The following RPS6KA1 variants were observed in gnomAD, a reference collection of about 807,000 sequenced individuals.
The protein encoded by RPS6KA1 is ribosomal protein S6 kinase alpha-1.
In RPS6KA1, 48 loss-of-function variants were observed where a neutral mutation model predicts 91.3. The observed-to-expected ratio is 0.53, with a 90% CI of 0.42 to 0.67. RPS6KA1 has a LOEUF of 0.67. Among genes scored for constraint, RPS6KA1 ranks in the 30% least tolerant of loss-of-function variants. The pLI, the probability that RPS6KA1 is intolerant of heterozygous loss-of-function variation, is 0.00. For synonymous variants in RPS6KA1, 359 were observed against 384.7 expected (o/e 0.93, Z 0.78); for missense variants, 719 against 960.5 (o/e 0.75, Z 3.32).
At position 26,560,833 on chromosome 1, in the gene RPS6KA1, C is replaced by A. The variant is rs528832165; in HGVS notation, c.1323C>A (p.Asn441Lys). 1 of 1,614,230 alleles carries A rather than the reference C, an allele frequency of 6.2e-7. No homozygotes were observed. The highest frequency in any genetic ancestry group is 1.3e-5 in the African/African-American group (1 of 75,066). Residue 441 changes from asparagine (N) to lysine (K), a missense_variant, in exon 15 of 22, where the codon AAC becomes AAA. Asn to Lys is a moderately conservative substitution (Grantham distance 94). Coordinates refer to ENST00000374168, the MANE Select transcript of RPS6KA1 (RefSeq NM_002953.4). ...AGCGCTGTGTCCACAAGGCCACCAA[C>A]ATGGAGTATGCTGTCAAGGTGGGCC... The part of the protein sequence containing the change: ...ECKRCVHKAT[N>K]MEYAVKVIDK...
chr1:26,554,519 G>A lies in RPS6KA1; in HGVS notation c.614-77G>A, dbSNP rs1187996554. 2.9e-5 allele frequency: 44 copies of A among 1,534,906 alleles called. No individual in the cohort carries two copies. The highest frequency in any genetic ancestry group is 3.5e-5 in the Non-Finnish European group (40 of 1,133,440). ...GTGATGCCTTCTGGCCTCTGGGCAC[G>A]GGGGTTGGGTGTGCAAAGGGTGGCA... On this transcript the variant is annotated intron_variant, in intron 8 of 21. Transcript: ENST00000374168. This position sits in a 1 kb window ranked among gnomAD's most constrained non-coding sequence, Gnocchi z 4.6.
chr1:26,554,295 G>C lies in RPS6KA1; in HGVS notation c.613+44G>C. The C allele has an allele frequency of 1.3e-6, 2 of 1,544,736 alleles. No individual in the cohort carries two copies. Among genetic ancestry groups the C allele is most frequent in the Non-Finnish European group, 8.8e-7 (1 of 1,140,360 alleles). On this transcript the variant is annotated intron_variant, in intron 8 of 21. Transcript: ENST00000374168. This position sits in a 1 kb window ranked among gnomAD's most constrained non-coding sequence, Gnocchi z 4.6. Reference sequence around the variant, plus strand: ...CCCCCTCGGGACCCAGGGGAGGACAGGACAAGGTCATGATAGGTCTCGGCT... The same window carrying C: ...CCCCCTCGGGACCCAGGGGAGGACACGACAAGGTCATGATAGGTCTCGGCT...
chr1:26,536,981 G>A lies in RPS6KA1; in HGVS notation c.108+12G>A. The A allele has an allele frequency of 6.2e-7, 1 of 1,614,080 alleles. No homozygotes were observed. Among genetic ancestry groups the A allele is most frequent in the Admixed American group, 1.7e-5 (1 of 60,024 alleles). On this transcript the variant is annotated intron_variant, in intron 2 of 21. Transcript: ENST00000374168. ...TTCAGCCGTCCAAGGTGAGGACCATGGCCAGCACCCTGAGCGAGGGGCTGT... is the reference window on the plus strand; with the variant it reads ...TTCAGCCGTCCAAGGTGAGGACCATAGCCAGCACCCTGAGCGAGGGGCTGT...
rs761365429 is a variant in RPS6KA1, at chr1:26,547,143, C to T, written c.226-46C>T. On this transcript the variant is annotated intron_variant, in intron 3 of 21. Transcript: ENST00000374168. This position sits in a 1 kb window ranked among gnomAD's most constrained non-coding sequence, Gnocchi z 4.1. ...GAGAAGATAGAGGTCAGCCTGGACTCAGACCTCTCCCATCTTCTGCCCTGC... is the reference window on the plus strand; with the variant it reads ...GAGAAGATAGAGGTCAGCCTGGACTTAGACCTCTCCCATCTTCTGCCCTGC... 6.3e-7 allele frequency: 1 copy of T among 1,599,300 alleles called. No homozygotes were observed. The highest frequency in any genetic ancestry group is 8.6e-7 in the Non-Finnish European group (1 of 1,166,904).
chr1:26,574,791 C>A lies in RPS6KA1; in HGVS notation c.*590C>A, dbSNP rs1365774459. Reference sequence around the variant, plus strand: ...TGTCCTGCTGGCTTCCAGCTTCAGGCACCAGCATCCACCTTGGCTCTGCCA... The same window carrying A: ...TGTCCTGCTGGCTTCCAGCTTCAGGAACCAGCATCCACCTTGGCTCTGCCA... On this transcript the variant is annotated 3_prime_UTR_variant, in exon 22 of 22. Transcript: ENST00000374168. The surrounding 1 kb of genome is among the most constrained non-coding windows in gnomAD (Gnocchi z 4.3). The A allele has an allele frequency of 7.8e-6, 2 of 256,656 alleles. No individual in the cohort carries two copies. Among genetic ancestry groups the A allele is most frequent in the Non-Finnish European group, 1.6e-5 (2 of 127,480 alleles). The allele number at this position is 256,656 out of a possible 1,614,324, so 15.9% of individuals were successfully genotyped here. A position where few individuals can be genotyped will look rare whatever the true frequency, so the allele number is the denominator to read the frequency against.
At chr1:26,544,257 C>T in intron 2 of RPS6KA1, 1 of 454,460 alleles carries the variant, frequency 2.2e-6, no homozygotes, top group South Asian at 1.6e-5. Context: ...GGTTGGGTTC[C>T]AATCTCTGTC....
intron 2 of RPS6KA1, chr1:26,545,933 G>T: frequency 6.3e-7 from 1 of 1,594,668 alleles, no homozygotes; most frequent in Non-Finnish European, 8.5e-7. Context: ...CCCGTCTGCG[G>T]CTCTGGGCCC....
At position 26,560,779 on chromosome 1, in the gene RPS6KA1, A is replaced by C; in HGVS notation, c.1269A>C (p.Thr423=). ...VFSDGYVVKE[T]IGVGSYSECK... is the part of the protein sequence containing the mutation. ...GTGACGGCTACGTGGTAAAGGAGAC[A>C]ATTGGTGTGGGCTCCTACTCTGAGT... Residue 423 remains threonine, a synonymous_variant, in exon 15 of 22, where the codon ACA becomes ACC. Transcript: ENST00000374168. The C allele has an allele frequency of 1.2e-6, 2 of 1,614,154 alleles. No individual in the cohort carries two copies. The highest frequency in any genetic ancestry group is 1.7e-6 in the Non-Finnish European group (2 of 1,180,016).
At chr1:26,572,069 TACC>T in intron 19 of RPS6KA1, 104 bp from the exon 20 acceptor site, 1 of 1,304,814 alleles carries the variant, frequency 7.7e-7, no homozygotes, top group East Asian at 2.3e-5. Context: ...CCAGGAGCTC[TACC>T]TTGGGAGTAC....
Position 26,574,076 on chromosome 1 carries a change from C to T in RPS6KA1, c.2086-3C>T. 1.9e-6 allele frequency: 3 copies of T among 1,613,814 alleles called. No individual in the cohort carries two copies. Among genetic ancestry groups the T allele is most frequent in the Non-Finnish European group, 2.5e-6 (3 of 1,179,742 alleles). ...TGACCTGACCTCCCCACTTCTCTTT[C>T]AGGGAGCCATGGCTGCCACGTACTC... On this transcript the variant is annotated splice_region_variant and splice_polypyrimidine_tract_variant and intron_variant, in intron 21 of 21. Coordinates refer to ENST00000374168, the MANE Select transcript of RPS6KA1 (RefSeq NM_002953.4). The surrounding 1 kb of genome is among the most constrained non-coding windows in gnomAD (Gnocchi z 4.3).
At position 26,547,416 on chromosome 1, in the gene RPS6KA1, C is replaced by G; in HGVS notation, c.307+146C>G. The G allele has an allele frequency of 1.5e-6, 1 of 649,226 alleles. No homozygotes were observed. The highest frequency in any genetic ancestry group is 1.8e-5 in the South Asian group (1 of 54,958). The allele number at this position is 649,226 out of a possible 1,614,324, so 40.2% of individuals were successfully genotyped here. ...GTGGAGAAACAGGCCTATTTCTCAG[C>G]TATCCCTCGCCAGCCAATCCTCCTC... On this transcript the variant is annotated intron_variant, in intron 4 of 21. Coordinates refer to ENST00000374168, the MANE Select transcript of RPS6KA1 (RefSeq NM_002953.4). This position sits in a 1 kb window ranked among gnomAD's most constrained non-coding sequence, Gnocchi z 4.1.
At position 26,558,927 on chromosome 1, in the gene RPS6KA1, C is replaced by A; in HGVS notation, c.1205C>A (p.Ser402Ter). The stretch of plus-strand genomic sequence containing the variant: ...CGTGCCCCGCAGGCACCCCTGCACT[C>A]GGTGGTACAGGTGAGGGGGGCAGGG... ...KPRAPQAPLH[S>*]VVQQLHGKNL... The change falls in exon 14 of 22, where the codon TCG (serine) becomes TAG (stop). Residue 402 changes from serine (S) to a stop codon, truncating the protein, a stop_gained. Coordinates refer to ENST00000374168, the MANE Select transcript of RPS6KA1 (RefSeq NM_002953.4). LOFTEE classifies it high-confidence loss of function. This position sits in a 1 kb window ranked among gnomAD's most constrained non-coding sequence, Gnocchi z 4.0. The A allele has an allele frequency of 6.2e-7, 1 of 1,612,528 alleles. No homozygotes were observed. Among genetic ancestry groups the A allele is most frequent in the Non-Finnish European group, 8.5e-7 (1 of 1,178,796 alleles).
chr1:26,571,975 TG>T lies in RPS6KA1; in HGVS notation c.1829+53del. On this transcript the variant is annotated intron_variant, in intron 19 of 21. Coordinates refer to ENST00000374168, the MANE Select transcript of RPS6KA1 (RefSeq NM_002953.4). The surrounding 1 kb of genome is among the most constrained non-coding windows in gnomAD (Gnocchi z 5.1). ...TCCCCACTCCTGCAGCCCTAGCACTTGGGCTGAGTGGTGCTTGTCTGATAGG... is the reference window on the plus strand; with the variant it reads ...TCCCCACTCCTGCAGCCCTAGCACTTGGCTGAGTGGTGCTTGTCTGATAGG... 1 of 1,538,112 alleles carries T rather than the reference TG, an allele frequency of 6.5e-7. No individual in the cohort carries two copies.
At position 26,561,423 on chromosome 1, in the gene RPS6KA1, C is replaced by A; in HGVS notation, c.1432-82C>A. 3 of 1,565,962 alleles carry A rather than the reference C, an allele frequency of 1.9e-6. No homozygotes were observed. Among genetic ancestry groups the A allele is most frequent in the Non-Finnish European group, 2.6e-6 (3 of 1,139,926 alleles). On this transcript the variant is annotated intron_variant, in intron 16 of 21. Transcript: ENST00000374168. The surrounding 1 kb of genome is among the most constrained non-coding windows in gnomAD (Gnocchi z 5.7). ...ACACCTGCCCAAGGCTCATGTCATT[C>A]TTCCCTGCTCTGGGGCGCTGCTGAC...
rs1335956680 is a variant in RPS6KA1, at chr1:26,554,973, G to A, written c.757-178G>A. 3.3e-5 allele frequency among the ~76,000 whole-genome samples: 5 copies of A among 152,156 alleles called. No individual in the cohort carries two copies. On this transcript the variant is annotated intron_variant, in intron 9 of 21. Transcript: ENST00000374168. The surrounding 1 kb of genome is among the most constrained non-coding windows in gnomAD (Gnocchi z 4.6). ...TTCTCCCCAGCCTCGCGCCCCCACC[G>A]CTGCTCCTGGTGGTCTGGTTGGCAG...
intron 17 of RPS6KA1, among the ~76,000 whole-genome samples, chr1:26,564,282 G>A (rs1014564430): frequency 5.9e-5 from 9 of 151,668 alleles, no homozygotes; most frequent in Non-Finnish European, 1.3e-4. Context: ...TTTTTGAGAC[G>A]GAGTCTCTCT....
intron 2 of RPS6KA1, among the ~76,000 whole-genome samples, chr1:26,541,262 A>G (rs2075944922): frequency 6.6e-6 from 1 of 150,964 alleles, no homozygotes; most frequent in Non-Finnish European, 1.5e-5. Flanking sequence ...GTCTCAAAAA[A>G]AAAAAAAAAA....
At chr1:26,537,092 C>T in intron 2 of RPS6KA1, 123 bp downstream of exon 2, 1 of 972,218 alleles carries the variant, frequency 1.0e-6, no homozygotes, top group Non-Finnish European at 1.6e-6. Context: ...CTTCTCAGGG[C>T]CCACCGAATC....
chr1:26,551,282 G>A lies in RPS6KA1; in HGVS notation c.308-115G>A, dbSNP rs148270082. On this transcript the variant is annotated intron_variant, in intron 4 of 21. Transcript: ENST00000374168. This position sits in a 1 kb window ranked among gnomAD's most constrained non-coding sequence, Gnocchi z 4.5. ...TGTCCCCAAAGCCCTGGGTGAGGGG[G>A]CTTTGGGAGCTCAGGCCTGGAGGAA... 233 of 854,246 alleles carry A rather than the reference G, an allele frequency of 2.7e-4. 2 individuals carry two copies. The African/African-American group carries it at 3.3e-3, about 12-fold the overall frequency. 52.9% of individuals were successfully genotyped at this position (854,246 alleles called of 1,614,324 possible).
Sources: gnomAD v4.1 joint callset for allele counts (sites outside exome capture counted in the v4.1 genomes callset) on GRCh38, gnomAD v4.1.1 for gene constraint, Gnocchi (gnomAD v3.1) non-coding constraint, MANE v1.5 for transcripts, NCBI Gene and HGNC (gene_info 2026-07-23, HGNC 2026-07-21) for gene names.